RBM11: variants seen among roughly 807,000 people sequenced by gnomAD.
RBM11 encodes the protein RNA binding motif protein 11.
RBM11 carries 18 observed loss-of-function variants against 21.4 expected under a neutral mutation model. That is an observed-to-expected ratio of 0.84 (90% CI 0.58 to 1.25). RBM11 has a LOEUF of 1.25. Ranked by LOEUF, RBM11 falls within the 50% of genes most tolerant of loss-of-function variation. The pLI, the probability that RBM11 is intolerant of heterozygous loss-of-function variation, is 0.00. For synonymous variants in RBM11, 120 were observed against 116.3 expected (o/e 1.03, Z -0.20); for missense variants, 294 against 331.9 (o/e 0.89, Z 0.89).
chr21:14,227,274 A>G lies in RBM11; in HGVS notation c.827A>G (p.Lys276Arg). 1.2e-6 allele frequency: 2 copies of G among 1,610,858 alleles called. No individual in the cohort carries two copies. The highest frequency in any genetic ancestry group is 1.7e-6 in the Non-Finnish European group (2 of 1,178,830). Residue 276 changes from lysine to arginine, a missense_variant, in exon 5 of 5, where the codon AAG (lysine) becomes AGG (arginine). By Grantham distance (26) the Lys-to-Arg change is conservative. Around this residue, in one of 2 missense-constraint regions of RBM11, gnomAD observed 113 missense variants for 167.3 expected, o/e 0.68. Transcript: ENST00000400577. ...TGTAGCCAAAAGTTCCGAAAGTCTA[A>G]GAAGAAGAAAAGATACTAGTATTAC... ...NECSQKFRKS[K>R]KKKRY is the part of the protein sequence containing the mutation.
intron 3 of RBM11, among the ~76,000 whole-genome samples, chr21:14,224,073 T>C (rs1978890146): frequency 6.6e-6 from 1 of 152,186 alleles, no homozygotes; most frequent in South Asian, 2.1e-4. Flanking sequence ...CAAACAGGTA[T>C]TGTGTTATAA....
At chr21:14,226,679 A>G (rs1979115162) in intron 4 of RBM11, among the ~76,000 whole-genome samples, 1 of 151,924 alleles carries the variant, frequency 6.6e-6, no homozygotes, top group African/African-American at 2.4e-5. Context: ...TCTATATTGT[A>G]GTGAGCTATA....
intron 2 of RBM11, among the ~76,000 whole-genome samples, 188 bp from the exon 3 acceptor site, chr21:14,220,908 TA>T (rs1469901945): frequency 1.3e-5 from 2 of 152,162 alleles, no homozygotes; most frequent in Non-Finnish European, 2.9e-5. Flanking sequence ...AATTCATTGA[TA>T]TATATATAGT....
chr21:14,216,421 C>G (rs1051549499), intron 1 of RBM11, 139 bp downstream of exon 1: 1 of 686,440 alleles, frequency 1.5e-6, no homozygotes, highest in African/African-American at 1.8e-5. Flanking sequence ...TCTTGGCGCA[C>G]CTGTCTCCAG....
At chr21:14,222,478 A>G (rs1978757558) in intron 3 of RBM11, among the ~76,000 whole-genome samples, 1 of 152,064 alleles carries the variant, frequency 6.6e-6, no homozygotes, top group Admixed American at 6.6e-5. Context: ...AGTTATATCA[A>G]CCCTCTGAAC....
Position 14,226,954 on chromosome 21 carries a change from C to T in RBM11, c.507C>T (p.Ser169=), listed in dbSNP as rs183317101. The change falls in exon 5 of 5, where the codon TCC becomes TCT. Residue 169 remains serine, a synonymous_variant. Coordinates refer to ENST00000400577, the MANE Select transcript of RBM11 (RefSeq NM_144770.5). ...EMTAPLPNSA[S]VSSSLNHVPD... ...CAGCTCCACTTCCTAATAGTGCATC[C>T]GTGTCTTCCTCACTGAATCATGTTC... 6.8e-6 allele frequency: 11 copies of T among 1,613,326 alleles called. No homozygotes were observed. The highest frequency in any genetic ancestry group is 1.7e-4 in the Middle Eastern group (1 of 6,054).
intron 1 of RBM11, 83 bp downstream of exon 1, chr21:14,216,365 G>T (rs1002975359): frequency 1.4e-5 from 16 of 1,167,134 alleles, no homozygotes; most frequent in Non-Finnish European, 1.9e-5. Context: ...CCCGGAGCCC[G>T]GCCCCCTTCC....
In RBM11 at chr21:14,224,451, T is replaced by A. The variant is rs409782; in HGVS notation, c.346T>A (p.Leu116Met). 1.3e-6 allele frequency: 2 copies of A among 1,558,796 alleles called. No individual in the cohort carries two copies. Among genetic ancestry groups the A allele is most frequent in the African/African-American group, 1.4e-5 (1 of 73,530 alleles). Residue 116 changes from leucine to methionine, a missense_variant, in exon 4 of 5, where the codon TTG (leucine) becomes ATG (methionine). Physicochemically the swap from Leu to Met is conservative, Grantham distance 15. Around this residue, in one of 2 missense-constraint regions of RBM11, gnomAD observed 181 missense variants for 164.6 expected, o/e 1.10. Transcript: ENST00000400577. ...ATCTCCTCAAAGGAATGAAGAAATG[T>A]TGGTGGGCAGATCTTCCTTTCCCAT... ...NSHNYRNEEM[L>M]VGRSSFPMQY...
intron 1 of RBM11, 41 bp from the exon 2 acceptor site, chr21:14,219,522 T>A (rs368795722): frequency 2.9e-6 from 4 of 1,383,860 alleles, no homozygotes; most frequent in Non-Finnish European, 3.8e-6. Flanking sequence ...ATAAAAAAAA[T>A]CTTTGGATTT....
At chr21:14,225,341 G>A (rs543091363) in intron 4 of RBM11, among the ~76,000 whole-genome samples, 6 of 152,222 alleles carry the variant, frequency 3.9e-5, no homozygotes, top group South Asian at 4.1e-4. Flanking sequence ...TCAATTGGTC[G>A]AGTAAACTAA....
At chr21:14,222,174 T>C (rs389493) in intron 3 of RBM11, among the ~76,000 whole-genome samples, 33,134 of 151,840 alleles carry the variant, frequency 0.22, 3,806 homozygotes, top group African/African-American at 0.3. Flanking sequence ...ATAGAATAGG[T>C]CAGGGTATAT....
chr21:14,222,166 A>G (rs1022694852), intron 3 of RBM11, among the ~76,000 whole-genome samples: 3 of 152,070 alleles, frequency 2.0e-5, no homozygotes, highest in Non-Finnish European at 2.9e-5. Context: ...ACAGGCTGAT[A>G]GAATAGGTCA....
At chr21:14,220,915 A>G (rs998453855) in intron 2 of RBM11, among the ~76,000 whole-genome samples, 182 bp from the exon 3 acceptor site, 1 of 152,198 alleles carries the variant, frequency 6.6e-6, no homozygotes, top group Non-Finnish European at 1.5e-5. Context: ...TGATATATAT[A>G]TAGTACTGTA....
intron 3 of RBM11, among the ~76,000 whole-genome samples, chr21:14,223,409 CA>C (rs1410312713): frequency 1.3e-5 from 2 of 152,142 alleles, no homozygotes; most frequent in Non-Finnish European, 2.9e-5. Context: ...GCTGCTATAA[CA>C]AAGTACCGCA....
intron 1 of RBM11, among the ~76,000 whole-genome samples, chr21:14,218,752 G>A (rs1978414658): frequency 1.3e-5 from 2 of 152,128 alleles, no homozygotes; most frequent in Admixed American, 6.5e-5. Flanking sequence ...AGTTGTTTGT[G>A]TTTGTAAGTG....
chr21:14,220,142 C>T (rs1407720488), intron 2 of RBM11, among the ~76,000 whole-genome samples: 1 of 152,122 alleles, frequency 6.6e-6, no homozygotes, highest in East Asian at 1.9e-4. Context: ...GGCATTTAGT[C>T]CTTCTGGGGA....
chr21:14,223,405 A>C (rs385758), intron 3 of RBM11, among the ~76,000 whole-genome samples: 1 of 151,998 alleles, frequency 6.6e-6, no homozygotes, highest in Non-Finnish European at 1.5e-5. Context: ...TAGGGCTGCT[A>C]TAACAAAGTA....
intron 1 of RBM11, among the ~76,000 whole-genome samples, chr21:14,217,715 C>G (rs572282344): frequency 1.3e-5 from 2 of 151,738 alleles, no homozygotes; most frequent in African/African-American, 4.8e-5. Context: ...TTAAAACTTA[C>G]TATATTAAGT....
chr21:14,227,576 A>T lies in RBM11; in HGVS notation c.*283A>T, dbSNP rs1038000455. ...AGTACCAATGATGAAATTTCACCAA[A>T]CTATTAATCAAAAGTCACTTATTGA... On this transcript the variant is annotated 3_prime_UTR_variant, in exon 5 of 5. Coordinates refer to ENST00000400577, the MANE Select transcript of RBM11 (RefSeq NM_144770.5). The T allele has an allele frequency of 5.5e-6, 2 of 364,010 alleles. No homozygotes were observed. The highest frequency in any genetic ancestry group is 9.9e-6 in the Non-Finnish European group (2 of 202,186). The allele number at this position is 364,010 out of a possible 1,614,324, so 22.5% of individuals were successfully genotyped here.
Sources: allele counts gnomAD v4.1 joint callset (sites outside exome capture counted in the v4.1 genomes callset), GRCh38; gene constraint gnomAD v4.1.1; regional missense constraint gnomAD v4.1.1; transcripts MANE v1.5; gene names NCBI Gene and HGNC (gene_info 2026-07-23, HGNC 2026-07-21).